Variants in SEM1 observed in about 807,000 individuals in gnomAD.
SEM1 encodes the protein 26S proteasome complex subunit SEM1.
In SEM1, 3 loss-of-function variants were observed where a neutral mutation model predicts 12.7. The observed-to-expected ratio is 0.24, with a 90% CI of 0.11 to 0.61. The LOEUF (loss-of-function observed/expected upper bound fraction) is 0.61, where lower values mean the gene tolerates loss of function less well. Ranked by LOEUF, SEM1 falls within the 20% of genes least tolerant of loss-of-function variation. The pLI is 0.88. For missense variants in SEM1, 59 were observed against 81.3 expected, an observed-to-expected ratio of 0.73 and a Z score of 1.06; for synonymous variants, 30 against 27.8, an observed-to-expected ratio of 1.08 and a Z score of -0.25.
intron 2 of SEM1, among the ~76,000 whole-genome samples, chr7:96,680,400 C>A (rs1485536600): frequency 6.6e-6 from 1 of 151,964 alleles, no homozygotes; most frequent in East Asian, 1.9e-4. Flanking sequence ...AACAGAAAAC[C>A]ATTAATAAAC....
chr7:96,706,805 C>T (rs1790481997), intron 1 of SEM1, among the ~76,000 whole-genome samples: 1 of 152,054 alleles, frequency 6.6e-6, no homozygotes, highest in Non-Finnish European at 1.5e-5. Context: ...GGATAAAATC[C>T]ACTTTCTGGA....
intron 2 of SEM1, among the ~76,000 whole-genome samples, chr7:96,532,308 A>C (rs1468985649): frequency 6.6e-6 from 1 of 152,146 alleles, no homozygotes; most frequent in East Asian, 1.9e-4. Context: ...GACACAGAAA[A>C]GTTTGAAAAA....
At chr7:96,486,986 A>T (rs1349373829) in intron 1 of SEM1, among the ~76,000 whole-genome samples, 1 of 152,194 alleles carries the variant, frequency 6.6e-6, no homozygotes, top group Non-Finnish European at 1.5e-5. Context: ...TTCAACAGGC[A>T]GAATTTAGCT....
chr7:96,669,859 TA>T (rs1789268013), downstream of SEM1, among the ~76,000 whole-genome samples: 1 of 152,220 alleles, frequency 6.6e-6, no homozygotes, highest in African/African-American at 2.4e-5. Flanking sequence ...CAAATATTAA[TA>T]ATGAAAATGA....
chr7:96,552,058 T>C (rs10953184), intron 2 of SEM1, among the ~76,000 whole-genome samples: 101,294 of 152,084 alleles, frequency 0.67, 36,273 homozygotes, highest in East Asian at 0.8. Context: ...AATGGTCCAG[T>C]GCCAGCACTC....
rs186664965 is a variant in SEM1, at chr7:96,538,758, C to T, written c.171-32060G>A. 1.6e-3 allele frequency among the ~76,000 whole-genome samples: 248 copies of T among 151,856 alleles called. 6 individuals are homozygous for T. In the East Asian group the frequency reaches 0.042, roughly 26 times the overall value. On this transcript the variant is annotated intron_variant and NMD_transcript_variant, in intron 2 of 3. Transcript: ENST00000466986. Reference sequence around the variant, plus strand: ...CTCTACCCTCTGCTCTCACTTCCCCCTTTTGGTGAGACAGAAAGGTTAGAG... The same window carrying T: ...CTCTACCCTCTGCTCTCACTTCCCCTTTTTGGTGAGACAGAAAGGTTAGAG...
intron 2 of SEM1, among the ~76,000 whole-genome samples, chr7:96,648,101 G>A (rs1228027629): frequency 6.6e-6 from 1 of 152,108 alleles, no homozygotes; most frequent in Non-Finnish European, 1.5e-5. Context: ...TATTCACAGG[G>A]AAAAATGCTT....
chr7:96,588,415 A>AGG lies in SEM1; in HGVS notation c.171-81718_171-81717insCC, dbSNP rs1308160800. Among the ~76,000 whole-genome samples the AGG allele has an allele frequency of 1.8e-3, 276 of 150,892 alleles. 1 individual carries two copies. Among genetic ancestry groups the AGG allele is most frequent in the African/African-American group, 6.5e-3 (268 of 41,084 alleles). The stretch of plus-strand genomic sequence containing the variant: ...ACACACACGAGAGAGAGAGAGAGAG[A>AGG]GAGAAGAAAGGTATATCATTTTGGG... On this transcript the variant is annotated intron_variant and NMD_transcript_variant, in intron 2 of 3. Transcript: ENST00000466986.
intron 2 of SEM1, among the ~76,000 whole-genome samples, chr7:96,525,966 T>C (rs941392458): frequency 1.1e-4 from 16 of 152,122 alleles, no homozygotes; most frequent in Admixed American, 1.0e-3. Context: ...TGGGGACCAC[T>C]GCTGTAAAGT....
At chr7:96,643,279 A>G (rs1027443536) in intron 2 of SEM1, among the ~76,000 whole-genome samples, 5 of 152,118 alleles carry the variant, frequency 3.3e-5, no homozygotes, top group African/African-American at 9.7e-5. Flanking sequence ...AAAGGGCATG[A>G]TCTCATTCTT....
intron 2 of SEM1, among the ~76,000 whole-genome samples, chr7:96,541,944 C>CTTTTTTTTTT (rs34050482): frequency 2.2e-5 from 2 of 92,424 alleles, no homozygotes; most frequent in East Asian, 3.4e-4. Context: ...GCCTATGTGT[C>CTTTTTTTTTT]TTTTTTTTTT....
At chr7:96,545,444 A>G (rs1298841438) in intron 2 of SEM1, among the ~76,000 whole-genome samples, 1 of 151,986 alleles carries the variant, frequency 6.6e-6, no homozygotes, top group Non-Finnish European at 1.5e-5. Flanking sequence ...TTGCTAAAAC[A>G]TTCCATATGA....
rs545009240 is a variant in SEM1, at chr7:96,511,551, C to T, written c.171-4853G>A. Among the ~76,000 whole-genome samples, 7 of 152,022 alleles carry T rather than the reference C, an allele frequency of 4.6e-5. No homozygotes were observed. In the East Asian group the frequency reaches 1.4e-3, roughly 30 times the overall value. ...ACACCTATTGGACTGATGTATATAG[C>T]ACAAATTGGAAGAGGAAATATGGCT... On this transcript the variant is annotated intron_variant and NMD_transcript_variant, in intron 2 of 3. Coordinates refer to the SEM1 transcript ENST00000466986.
At chr7:96,701,552 C>T (rs1371762611) in intron 1 of SEM1, among the ~76,000 whole-genome samples, 1 of 152,114 alleles carries the variant, frequency 6.6e-6, no homozygotes, top group Non-Finnish European at 1.5e-5. Context: ...CCAGTCTATG[C>T]TATTTTGTTA....
At chr7:96,586,396 C>G (rs1397902687) in intron 2 of SEM1, among the ~76,000 whole-genome samples, 3 of 152,172 alleles carry the variant, frequency 2.0e-5, no homozygotes, top group African/African-American at 7.2e-5. Context: ...AGAGTCCCAA[C>G]TCACCCTATT....
intron 2 of SEM1, among the ~76,000 whole-genome samples, chr7:96,538,896 A>G (rs528087957): frequency 9.2e-5 from 14 of 151,744 alleles, no homozygotes; most frequent in Non-Finnish European, 1.6e-4. Context: ...CACAATGATT[A>G]CTCCTCTTTT....
At chr7:96,526,066 A>T (rs1804455531) in intron 2 of SEM1, among the ~76,000 whole-genome samples, 1 of 152,080 alleles carries the variant, frequency 6.6e-6, no homozygotes, top group Non-Finnish European at 1.5e-5. Flanking sequence ...CCCAAAAGAA[A>T]CCTCATACCT....
chr7:96,627,186 CTTTG>C (rs1223748013), intron 2 of SEM1, among the ~76,000 whole-genome samples: 3 of 151,806 alleles, frequency 2.0e-5, no homozygotes, highest in African/African-American at 4.8e-5. Flanking sequence ...AGTTTTGTCA[CTTTG>C]TTTAACTTTT....
chr7:96,686,025 C>T (rs149469139), downstream of SEM1, among the ~76,000 whole-genome samples: 61 of 152,168 alleles, frequency 4.0e-4, no homozygotes, highest in African/African-American at 1.4e-3. Flanking sequence ...AACCTAGATT[C>T]TAGCTCTGTA....
Sources: gnomAD v4.1 joint callset for allele counts (sites outside exome capture counted in the v4.1 genomes callset) on GRCh38, gnomAD v4.1.1 for gene constraint, MANE v1.5 for transcripts, NCBI Gene and HGNC (gene_info 2026-07-23, HGNC 2026-07-21) for gene names.